The following RBFOX1 variants were observed in gnomAD, a reference collection of about 807,000 sequenced individuals.
RBFOX1 encodes RNA binding fox-1 homolog 1, also known as RNA binding protein fox-1 homolog 1.
Under a neutral mutation model 57.7 loss-of-function variants are expected in RBFOX1, and 8 were observed. That is an observed-to-expected ratio of 0.14 (90% confidence interval 0.08 to 0.25). The LOEUF (loss-of-function observed/expected upper bound fraction) is 0.25, where lower values mean the gene tolerates loss of function less well. RBFOX1 is among the 10% of genes least tolerant of loss of function. The pLI is 1.00. For missense variants in RBFOX1, 611 were observed against 548.5 expected (o/e 1.11, Z -1.14); for synonymous variants, 326 against 222.4 (o/e 1.47, Z -4.15).
chr16:6,998,317 T>G (rs1441751492), intron 3 of RBFOX1, among the ~76,000 whole-genome samples: 1 of 152,144 alleles, frequency 6.6e-6, no homozygotes, highest in Non-Finnish European at 1.5e-5. Context: ...CAACACTCAT[T>G]AGTGTCTTCC....
intron 14 of RBFOX1, among the ~76,000 whole-genome samples, chr16:7,682,302 C>T (rs566349987): frequency 1.0e-3 from 154 of 152,148 alleles, no homozygotes; most frequent in African/African-American, 3.7e-3. Flanking sequence ...CATTGTAAAA[C>T]ATGGCCATGC....
chr16:6,486,054 A>G (rs998222928), intron 2 of RBFOX1, among the ~76,000 whole-genome samples: 4 of 145,818 alleles, frequency 2.7e-5, no homozygotes, highest in Non-Finnish European at 1.5e-5. Context: ...AGTATGATAC[A>G]AAAGTTGAAG....
At chr16:5,623,051 G>C (rs2048245890) in intron 3 of RBFOX1, among the ~76,000 whole-genome samples, 1 of 152,124 alleles carries the variant, frequency 6.6e-6, no homozygotes, top group South Asian at 2.1e-4. Flanking sequence ...ATGGGTTTTG[G>C]TATACGGGGG....
chr16:7,363,246 T>G (rs1166112474), intron 4 of RBFOX1, among the ~76,000 whole-genome samples: 1 of 152,146 alleles, frequency 6.6e-6, no homozygotes, highest in African/African-American at 2.4e-5. Context: ...TCTGTTGTGT[T>G]ACTGGGCGGG....
intron 4 of RBFOX1, among the ~76,000 whole-genome samples, chr16:7,162,728 C>A (rs1454573459): frequency 6.7e-6 from 1 of 150,062 alleles, no homozygotes; most frequent in Non-Finnish European, 1.5e-5. Flanking sequence ...GACCGTAGCT[C>A]AAAAAAAAAT....
chr16:5,404,916 G>T (rs2066820389), intron 1 of RBFOX1, among the ~76,000 whole-genome samples: 1 of 152,230 alleles, frequency 6.6e-6, no homozygotes, highest in South Asian at 2.1e-4. Flanking sequence ...TCAGTAAAGA[G>T]TTCATTCTGG....
At chr16:5,368,591 T>C (rs187121541) in intron 1 of RBFOX1, among the ~76,000 whole-genome samples, 34 of 152,360 alleles carry the variant, frequency 2.2e-4, no homozygotes, top group African/African-American at 7.9e-4. Flanking sequence ...TTTAACAAGC[T>C]GCACTACACG....
intron 3 of RBFOX1, among the ~76,000 whole-genome samples, chr16:5,655,431 A>C (rs180864531): frequency 2.0e-5 from 3 of 152,344 alleles, no homozygotes; most frequent in East Asian, 3.9e-4. Context: ...GAGGCTTTTC[A>C]TGAGCATATC....
intron 3 of RBFOX1, among the ~76,000 whole-genome samples, chr16:6,816,105 C>A (rs543773483): frequency 6.6e-6 from 1 of 151,932 alleles, no homozygotes; most frequent in African/African-American, 2.4e-5. Context: ...CTGAGGAGTT[C>A]GAGACCAGCC....
At chr16:6,646,946 C>G (rs1004741725) in intron 2 of RBFOX1, among the ~76,000 whole-genome samples, 1 of 152,142 alleles carries the variant, frequency 6.6e-6, no homozygotes, top group South Asian at 2.1e-4. Flanking sequence ...AGGACTGGGC[C>G]TTACAGGTCG....
intron 3 of RBFOX1, among the ~76,000 whole-genome samples, chr16:7,035,094 C>T (rs146168140): frequency 0.016 from 2,434 of 151,746 alleles, 73 homozygotes; most frequent in African/African-American, 0.056. Flanking sequence ...GTGATCCACC[C>T]GTCTTGGCCT....
chr16:6,559,646 G>A (rs2097153502), intron 2 of RBFOX1, among the ~76,000 whole-genome samples: 1 of 152,018 alleles, frequency 6.6e-6, no homozygotes. Flanking sequence ...ACACATATAT[G>A]TGAATATATA....
intron 4 of RBFOX1, among the ~76,000 whole-genome samples, chr16:7,369,439 G>C (rs1236985962): frequency 1.3e-5 from 2 of 152,008 alleles, no homozygotes; most frequent in Admixed American, 6.6e-5. Context: ...CATCTGTTTG[G>C]ATGGATATGT....
At chr16:5,922,647 CA>C (rs2058849830) in intron 4 of RBFOX1, among the ~76,000 whole-genome samples, 1 of 152,222 alleles carries the variant, frequency 6.6e-6, no homozygotes. Flanking sequence ...TTAACATCCC[CA>C]CCATCAGTAA....
At chr16:5,558,396 C>G (rs1597520458) in intron 2 of RBFOX1, among the ~76,000 whole-genome samples, 2 of 152,224 alleles carry the variant, frequency 1.3e-5, no homozygotes, top group South Asian at 4.2e-4. Context: ...TACCCATCTG[C>G]AAGTTCCCCT....
chr16:6,308,943 G>A (rs1220792235), intron 1 of RBFOX1, among the ~76,000 whole-genome samples: 1 of 152,000 alleles, frequency 6.6e-6, no homozygotes, highest in Non-Finnish European at 1.5e-5. Flanking sequence ...GTCCGAGCCT[G>A]GCCAGAGGGA....
chr16:6,608,557 G>C (rs981080430), intron 2 of RBFOX1, among the ~76,000 whole-genome samples: 5 of 152,122 alleles, frequency 3.3e-5, no homozygotes, highest in Non-Finnish European at 7.3e-5. Context: ...GGAAGGCTGA[G>C]GTGGGAGAAT....
chr16:5,578,069 ATCC>A (rs2046528560), intron 2 of RBFOX1, among the ~76,000 whole-genome samples: 1 of 152,146 alleles, frequency 6.6e-6, no homozygotes, highest in Non-Finnish European at 1.5e-5. Context: ...CTCCTGCCTC[ATCC>A]TCCCGAGTAG....
chr16:5,951,596 C>G (rs993923836), intron 4 of RBFOX1, among the ~76,000 whole-genome samples: 3 of 151,908 alleles, frequency 2.0e-5, no homozygotes, highest in East Asian at 3.9e-4. Flanking sequence ...GATGTTGGAG[C>G]GTAATGTTAA....
Sources: gnomAD v4.1 joint callset for allele counts (sites outside exome capture counted in the v4.1 genomes callset) on GRCh38, gnomAD v4.1.1 for gene constraint, MANE v1.5 for transcripts, NCBI Gene and HGNC (gene_info 2026-07-23, HGNC 2026-07-21) for gene names.